Variants in DENND6A observed in about 807,000 individuals in gnomAD.
DENND6A encodes the protein DENN domain containing 6A, also known as protein DENND6A.
A neutral mutation model predicts 95.5 loss-of-function variants in DENND6A; 43 were observed. That is an observed-to-expected ratio of 0.45 (90% CI 0.35 to 0.58). The LOEUF is 0.58. DENND6A is among the 20% of genes least tolerant of loss of function. The pLI is 0.00. For missense variants in DENND6A, 574 were observed against 736.0 expected (o/e 0.78, Z 2.55); for synonymous variants, 257 against 260.4 (o/e 0.99, Z 0.13).
Position 57,672,275 on chromosome 3 carries a change from A to C in DENND6A, c.300T>G (p.Ser100=). The C allele has an allele frequency of 6.2e-7, 1 of 1,610,396 alleles. No individual in the cohort carries two copies. The highest frequency in any genetic ancestry group is 8.5e-7 in the Non-Finnish European group (1 of 1,178,842). Residue 100 remains serine, a synonymous_variant, in exon 3 of 20, where the codon TCT becomes TCG. Coordinates refer to ENST00000311128, the MANE Select transcript of DENND6A (RefSeq NM_152678.3). ...AGTTACCTGAATTTGAATCTGGAAA[A>C]GACAAATAGCAAATATTGGTTTTCT... ...DREKTNICYL[S]FPDSNSGCLG... is the part of the protein sequence containing the mutation.
intron 5 of DENND6A, among the ~76,000 whole-genome samples, chr3:57,663,353 T>C (rs1000121583): frequency 1.3e-4 from 19 of 146,660 alleles, no homozygotes; most frequent in Admixed American, 1.3e-3. Flanking sequence ...TAATCCCAGC[T>C]ACTTGGGAGA....
At chr3:57,689,084 A>G (rs1201784714) in intron 1 of DENND6A, among the ~76,000 whole-genome samples, 1 of 151,916 alleles carries the variant, frequency 6.6e-6, no homozygotes, top group East Asian at 1.9e-4. Context: ...CCTCCCGAGT[A>G]GCTGGGACTA....
intron 14 of DENND6A, 101 bp downstream of exon 14, chr3:57,634,457 G>T: frequency 3.8e-5 from 19 of 501,220 alleles, no homozygotes; most frequent in East Asian, 8.2e-5. Flanking sequence ...AAAAAGGAGA[G>T]ATCCTATTTC....
chr3:57,673,762 GAGA>G (rs1049148471), intron 1 of DENND6A, among the ~76,000 whole-genome samples: 134 of 151,864 alleles, frequency 8.8e-4, no homozygotes, highest in African/African-American at 3.1e-3. Flanking sequence ...TTTTGTTTTT[GAGA>G]AGGAGTTTCA....
intron 1 of DENND6A, among the ~76,000 whole-genome samples, chr3:57,679,083 G>A (rs982782510): frequency 1.3e-5 from 2 of 152,230 alleles, no homozygotes; most frequent in African/African-American, 2.4e-5. Context: ...CACCCTGGAC[G>A]ACAGAGTGAG....
chr3:57,671,281 T>C (rs761045566), intron 3 of DENND6A, among the ~76,000 whole-genome samples: 11 of 152,082 alleles, frequency 7.2e-5, no homozygotes, highest in Non-Finnish European at 1.6e-4. Context: ...TCCCAGGACT[T>C]TGGGAGGCCG....
intron 1 of DENND6A, among the ~76,000 whole-genome samples, chr3:57,680,592 T>A: frequency 6.6e-6 from 1 of 152,202 alleles, no homozygotes; most frequent in Non-Finnish European, 1.5e-5. Flanking sequence ...ATATTGTTTA[T>A]AAGCTGCCCA....
In DENND6A at chr3:57,630,954, G is replaced by C; in HGVS notation, c.1378C>G (p.Pro460Ala). 1 of 1,613,208 alleles carries C rather than the reference G, an allele frequency of 6.2e-7. No homozygotes were observed. Among genetic ancestry groups the C allele is most frequent in the Non-Finnish European group, 8.5e-7 (1 of 1,179,818 alleles). The stretch of plus-strand genomic sequence containing the variant: ...CATGGGGAAATACTTTTCTGCAAAG[G>C]CATCAAGCTTGCCACATATCTTTCC... ...PLERYVASLMPLQKSISPWKS... is the reference protein window; with the variant it reads ...PLERYVASLMALQKSISPWKS... Residue 460 changes from proline to alanine, a missense_variant, in exon 16 of 20, where the codon CCT (proline) becomes GCT (alanine). By Grantham distance (27) the Pro-to-Ala change is conservative. Around this residue, in one of 2 missense-constraint regions of DENND6A, gnomAD observed 452 missense variants for 630.9 expected, o/e 0.72. Transcript: ENST00000311128.
chr3:57,642,313 CAAA>C (rs10681174), intron 11 of DENND6A, among the ~76,000 whole-genome samples: 7 of 67,550 alleles, frequency 1.0e-4, no homozygotes, highest in African/African-American at 4.5e-4. Flanking sequence ...GACTCTGTCT[CAAA>C]AAAAAAAAAA....
At chr3:57,634,488 C>T (rs2070751721) in intron 14 of DENND6A, 70 bp downstream of exon 14, 4 of 787,300 alleles carry the variant, frequency 5.1e-6, no homozygotes, top group South Asian at 6.4e-5. Context: ...ACATAAAGGA[C>T]ATATTGCGTA....
chr3:57,662,529 T>C (rs1257922863), intron 5 of DENND6A, among the ~76,000 whole-genome samples: 2 of 152,108 alleles, frequency 1.3e-5, no homozygotes, highest in Admixed American at 6.5e-5. Context: ...ACAAAAAGAA[T>C]TGTACATTTG....
At chr3:57,642,096 C>T (rs1268488111) in intron 11 of DENND6A, among the ~76,000 whole-genome samples, 3 of 151,890 alleles carry the variant, frequency 2.0e-5, no homozygotes, top group East Asian at 1.9e-4. Flanking sequence ...GGGCAGATCA[C>T]GAGGTTAGGA....
At chr3:57,634,413 A>G (rs2153412345) in intron 14 of DENND6A, 145 bp downstream of exon 14, 1 of 363,034 alleles carries the variant, frequency 2.8e-6, no homozygotes. Flanking sequence ...AGCCTGGGTG[A>G]TAGAGTGAGA....
intron 11 of DENND6A, 68 bp from the exon 12 acceptor site, chr3:57,641,815 T>C (rs1318316593): frequency 5.9e-6 from 8 of 1,352,696 alleles, no homozygotes; most frequent in Middle Eastern, 2.0e-4. Flanking sequence ...CAGTGAAGAA[T>C]AGTTTACTTT....
chr3:57,666,934 G>A (rs6445920), intron 3 of DENND6A, among the ~76,000 whole-genome samples: 58,756 of 152,110 alleles, frequency 0.39, 12,685 homozygotes, highest in South Asian at 0.57. Context: ...GTTATGCTAT[G>A]AGCACCATAG....
intron 6 of DENND6A, among the ~76,000 whole-genome samples, 182 bp from the exon 7 acceptor site, chr3:57,661,021 A>G (rs1429004761): frequency 1.3e-5 from 2 of 152,228 alleles, no homozygotes; most frequent in Non-Finnish European, 2.9e-5. Context: ...ACTCAGAAAT[A>G]CACATGTTCT....
At chr3:57,633,744 G>C (rs1295135097) in intron 14 of DENND6A, among the ~76,000 whole-genome samples, 1 of 151,734 alleles carries the variant, frequency 6.6e-6, no homozygotes, top group Non-Finnish European at 1.5e-5. Flanking sequence ...ACAAAAATTA[G>C]CTGGGTGTGG....
At chr3:57,688,003 GT>G (rs35483457) in intron 1 of DENND6A, among the ~76,000 whole-genome samples, 4 of 143,986 alleles carry the variant, frequency 2.8e-5, no homozygotes, top group African/African-American at 5.2e-5. Flanking sequence ...TTTTGGGTTT[GT>G]TTTTTTTTTG....
intron 4 of DENND6A, among the ~76,000 whole-genome samples, chr3:57,664,577 G>T (rs1418309485): frequency 6.6e-6 from 1 of 152,200 alleles, no homozygotes; most frequent in Admixed American, 6.5e-5. Flanking sequence ...GCTCATGCCT[G>T]TAATCCCAGC....
Sources: allele counts gnomAD v4.1 joint callset (sites outside exome capture counted in the v4.1 genomes callset), GRCh38; gene constraint gnomAD v4.1.1; regional missense constraint gnomAD v4.1.1; transcripts MANE v1.5; gene names NCBI Gene and HGNC (gene_info 2026-07-23, HGNC 2026-07-21).